The following KIAA0513 variants were observed in gnomAD, a reference collection of about 807,000 sequenced individuals.
KIAA0513 encodes the protein uncharacterized protein KIAA0513.
KIAA0513 carries 39 observed loss-of-function variants against 56.5 expected under a neutral mutation model. The ratio of observed to expected loss-of-function variants is 0.69; its 90% CI spans 0.53 to 0.90. The LOEUF (loss-of-function observed/expected upper bound fraction) is 0.90. KIAA0513 is among the 40% of genes least tolerant of loss of function. The pLI is 0.00. For missense variants in KIAA0513, 591 were observed against 535.2 expected, an observed-to-expected ratio of 1.10 and a Z score of -1.03; for synonymous variants, 268 against 215.6, an observed-to-expected ratio of 1.24 and a Z score of -2.13.
chr16:85,088,612 G>A lies in KIAA0513; in HGVS notation c.*287G>A. On this transcript the variant is annotated 3_prime_UTR_variant, in exon 13 of 13. Transcript: ENST00000683363. ...CAGGCTTGTGAGATGAGACCAAGAGGGAGGAGGGGAAGGACTCCATGGGCC... is the reference window on the plus strand; with the variant it reads ...CAGGCTTGTGAGATGAGACCAAGAGAGAGGAGGGGAAGGACTCCATGGGCC... The A allele has an allele frequency of 2.4e-6, 1 of 415,362 alleles. No homozygotes were observed. 25.7% of individuals were successfully genotyped at this position (415,362 alleles called of 1,614,324 possible). A position where few individuals can be genotyped will look rare whatever the true frequency, so the allele number is the denominator to read the frequency against.
rs570163182 is a variant in KIAA0513, at chr16:85,073,951, T to G, written c.503+953T>G. Among the ~76,000 whole-genome samples, 17 of 151,998 alleles carry G rather than the reference T, an allele frequency of 1.1e-4. No homozygotes were observed. The South Asian group carries it at 3.5e-3, about 32-fold the overall frequency. On this transcript the variant is annotated intron_variant, in intron 4 of 12. Transcript: ENST00000683363. ...AAGAAAGCTGCTCTCTTGTGTCGTTTTTTTTGTTTTGTTTTGTTTTTGTTT... is the reference window on the plus strand; with the variant it reads ...AAGAAAGCTGCTCTCTTGTGTCGTTGTTTTTGTTTTGTTTTGTTTTTGTTT...
At chr16:85,063,027 G>A (rs543919809) in intron 1 of KIAA0513, among the ~76,000 whole-genome samples, 5 of 152,280 alleles carry the variant, frequency 3.3e-5, no homozygotes, top group Admixed American at 2.0e-4. Context: ...TGAGGGGTCC[G>A]GGGACAGGGG....
intron 1 of KIAA0513, among the ~76,000 whole-genome samples, chr16:85,045,361 C>CTTGT (rs201298204): frequency 6.6e-6 from 1 of 151,888 alleles, no homozygotes; most frequent in Non-Finnish European, 1.5e-5. Context: ...ACCCAATGAC[C>CTTGT]TTGTTTGTTT....
At chr16:85,043,245 G>A (rs1270905598) in intron 1 of KIAA0513, among the ~76,000 whole-genome samples, 1 of 151,944 alleles carries the variant, frequency 6.6e-6, no homozygotes, top group Non-Finnish European at 1.5e-5. Flanking sequence ...ACAACTGAAA[G>A]CACGAACCTG....
At chr16:85,060,733 A>C (rs1173639853) in intron 1 of KIAA0513, among the ~76,000 whole-genome samples, 1 of 151,854 alleles carries the variant, frequency 6.6e-6, no homozygotes, top group Non-Finnish European at 1.5e-5. Context: ...AGTCCCAGCT[A>C]CTCAGGAGGC....
At chr16:85,029,431 T>G (rs55914162) in intron 1 of KIAA0513, among the ~76,000 whole-genome samples, 10,482 of 152,322 alleles carry the variant, frequency 0.069, 398 homozygotes, top group African/African-American at 0.085. Flanking sequence ...ACTGAGTAAA[T>G]CACAAGCCTT....
chr16:85,085,844 G>A (rs1002968069), intron 10 of KIAA0513, among the ~76,000 whole-genome samples: 88 of 152,230 alleles, frequency 5.8e-4, no homozygotes, highest in Admixed American at 3.9e-4. Context: ...CCTGAAGCTC[G>A]TGCAAACCTC....
rs149715607 is a variant in KIAA0513, at chr16:85,081,495, C to T, written c.980+103C>T. 2.1e-4 allele frequency: 218 copies of T among 1,061,898 alleles called. No homozygotes were observed. Among genetic ancestry groups the T allele is most frequent in the African/African-American group, 7.4e-4 (47 of 63,632 alleles). The allele number at this position is 1,061,898 out of a possible 1,614,324, so 65.8% of individuals were successfully genotyped here. On this transcript the variant is annotated intron_variant, in intron 9 of 12. Coordinates refer to ENST00000683363, the MANE Select transcript of KIAA0513 (RefSeq NM_001388359.1). This position sits in a 1 kb window ranked among gnomAD's most constrained non-coding sequence, Gnocchi z 4.4. ...GAGAGCAGAAGAGCAGCTGAGTGGA[C>T]GTGTCTGTTTTTTCTTCACCCCCTC...
intron 1 of KIAA0513, among the ~76,000 whole-genome samples, chr16:85,064,590 T>A (rs1422888867): frequency 1.3e-5 from 2 of 152,250 alleles, no homozygotes; most frequent in African/African-American, 4.8e-5. Context: ...TTTTGCTAAT[T>A]TAGAAGTATG....
chr16:85,056,351 A>C (rs891878625), intron 1 of KIAA0513, among the ~76,000 whole-genome samples: 3 of 152,088 alleles, frequency 2.0e-5, no homozygotes, highest in African/African-American at 4.8e-5. Context: ...AACGCCCTGG[A>C]AGTTAGGTTC....
intron 1 of KIAA0513, among the ~76,000 whole-genome samples, chr16:85,053,542 C>T (rs1196808912): frequency 6.6e-6 from 1 of 152,202 alleles, no homozygotes; most frequent in African/African-American, 2.4e-5. Context: ...TCCAGGTTGA[C>T]TCTCTGGATA....
intron 1 of KIAA0513, among the ~76,000 whole-genome samples, chr16:85,030,848 A>C (rs2072955029): frequency 6.6e-6 from 1 of 152,156 alleles, no homozygotes; most frequent in Non-Finnish European, 1.5e-5. Flanking sequence ...GGAGTCCTAA[A>C]AAGGAATTCA....
At chr16:85,050,981 T>G (rs1032063651) in intron 1 of KIAA0513, among the ~76,000 whole-genome samples, 2 of 151,932 alleles carry the variant, frequency 1.3e-5, no homozygotes, top group Non-Finnish European at 2.9e-5. Flanking sequence ...CACAGTAAGA[T>G]CCCATCACTA....
At chr16:85,085,333 G>A (rs2073796100) in intron 10 of KIAA0513, among the ~76,000 whole-genome samples, 1 of 152,268 alleles carries the variant, frequency 6.6e-6, no homozygotes, top group African/African-American at 2.4e-5. Context: ...CCCCTGCTAA[G>A]CTGCAGCAGT....
chr16:85,064,282 G>A (rs1242943056), intron 1 of KIAA0513, among the ~76,000 whole-genome samples: 4 of 152,068 alleles, frequency 2.6e-5, no homozygotes, highest in South Asian at 2.1e-4. Flanking sequence ...TTGGGATTAC[G>A]GGAGTGAGCC....
At chr16:85,033,412 C>G (rs571939601) in intron 1 of KIAA0513, among the ~76,000 whole-genome samples, 3 of 152,350 alleles carry the variant, frequency 2.0e-5, no homozygotes, top group Non-Finnish European at 2.9e-5. Flanking sequence ...CGTTTTGCTG[C>G]ACTGGTCCTT....
intron 10 of KIAA0513, among the ~76,000 whole-genome samples, chr16:85,084,008 G>T (rs1464927207): frequency 6.6e-6 from 1 of 151,632 alleles, no homozygotes; most frequent in Non-Finnish European, 1.5e-5. Context: ...TGTTCAGCTC[G>T]CTGCCCAGTG....
At position 85,078,045 on chromosome 16, in the gene KIAA0513, C is replaced by T. The variant is rs532253520; in HGVS notation, c.783-370C>T. On this transcript the variant is annotated intron_variant, in intron 6 of 12. Coordinates refer to ENST00000683363, the MANE Select transcript of KIAA0513 (RefSeq NM_001388359.1). ...AGACACTCGAGGAATGCTTTGGGGACGGGCACATCAGAAGTAGACGCGTAG... is the reference window on the plus strand; with the variant it reads ...AGACACTCGAGGAATGCTTTGGGGATGGGCACATCAGAAGTAGACGCGTAG... 3.9e-5 allele frequency among the ~76,000 whole-genome samples: 6 copies of T among 152,212 alleles called. No homozygotes were observed. In the East Asian group the frequency reaches 7.8e-4, roughly 20 times the overall value.
Position 85,090,895 on chromosome 16 carries a change from C to T in KIAA0513, c.*2570C>T, listed in dbSNP as rs1218331883. On this transcript the variant is annotated 3_prime_UTR_variant, in exon 13 of 13. Coordinates refer to ENST00000683363, the MANE Select transcript of KIAA0513 (RefSeq NM_001388359.1). Reference sequence around the variant, plus strand: ...TGCCACCAAGGTTTCCTCTCTTCCCCCAGGACCTGGGCAGAGCAGGCATGA... The same window carrying T: ...TGCCACCAAGGTTTCCTCTCTTCCCTCAGGACCTGGGCAGAGCAGGCATGA... The T allele has an allele frequency of 6.6e-6, 1 of 152,448 alleles. No homozygotes were observed. The highest frequency in any genetic ancestry group is 6.5e-5 in the Admixed American group (1 of 15,286). 9.4% of individuals were successfully genotyped at this position (152,448 alleles called of 1,614,324 possible).
Sources: allele counts gnomAD v4.1 joint callset (sites outside exome capture counted in the v4.1 genomes callset), GRCh38; gene constraint gnomAD v4.1.1; non-coding constraint Gnocchi (gnomAD v3.1); transcripts MANE v1.5; gene names NCBI Gene and HGNC (gene_info 2026-07-23, HGNC 2026-07-21).